The following LOC128125817 variants were observed in gnomAD, a reference collection of about 807,000 sequenced individuals.
the LOC128125817 span, among the ~76,000 whole-genome samples, chr1:41,594,285 T>C: frequency 1.3e-5 from 2 of 152,184 alleles, no homozygotes; most frequent in Non-Finnish European, 2.9e-5. Context: ...TGCAGTGACT[T>C]GATCTCAGCT....
the LOC128125817 span, among the ~76,000 whole-genome samples, chr1:41,616,509 C>T: frequency 1.3e-3 from 190 of 151,880 alleles, no homozygotes; most frequent in Non-Finnish European, 2.0e-3. Context: ...ATTTGAGACT[C>T]CAGCCTTCCT....
chr1:41,619,402 T>A, the LOC128125817 span, among the ~76,000 whole-genome samples: 1 of 152,238 alleles, frequency 6.6e-6, no homozygotes, highest in African/African-American at 2.4e-5. Context: ...TTATTTTACA[T>A]ACACTTATGT....
the LOC128125817 span, among the ~76,000 whole-genome samples, chr1:41,607,568 C>G: frequency 6.6e-6 from 1 of 152,100 alleles, no homozygotes; most frequent in Non-Finnish European, 1.5e-5. Flanking sequence ...TATATTCAAA[C>G]TGTTTCCTTT....
chr1:41,610,591 A>G, the LOC128125817 span, among the ~76,000 whole-genome samples: 1 of 152,194 alleles, frequency 6.6e-6, no homozygotes, highest in Non-Finnish European at 1.5e-5. Flanking sequence ...CTGCTCCTGA[A>G]TATCAGTCAC....
At chr1:41,628,035 G>A in the LOC128125817 span, among the ~76,000 whole-genome samples, 8 of 152,116 alleles carry the variant, frequency 5.3e-5, no homozygotes, top group Non-Finnish European at 7.4e-5. Flanking sequence ...CACCTAACCT[G>A]TACTGAAGCC....
the LOC128125817 span, among the ~76,000 whole-genome samples, chr1:41,617,240 A>G: frequency 8.3e-6 from 1 of 121,210 alleles, no homozygotes; most frequent in Admixed American, 7.7e-5. Context: ...ATATCTTTAC[A>G]GACTGATGCA....
At chr1:41,607,965 G>A in the LOC128125817 span, among the ~76,000 whole-genome samples, 2 of 152,208 alleles carry the variant, frequency 1.3e-5, no homozygotes, top group Non-Finnish European at 2.9e-5. Flanking sequence ...GCTGGGAGTT[G>A]CACTTGTCAT....
chr1:41,586,600 C>T, the LOC128125817 span, among the ~76,000 whole-genome samples: 15 of 152,158 alleles, frequency 9.9e-5, no homozygotes, highest in Non-Finnish European at 1.9e-4. Flanking sequence ...TCACACTCTT[C>T]GTTTCACTAG....
chr1:41,618,349 G>T, the LOC128125817 span, among the ~76,000 whole-genome samples: 3 of 152,330 alleles, frequency 2.0e-5, no homozygotes, highest in South Asian at 6.2e-4. Flanking sequence ...TCCTGCCTAA[G>T]CATGTCCATC....
the LOC128125817 span, among the ~76,000 whole-genome samples, chr1:41,605,366 C>T: frequency 0.01 from 1,180 of 114,520 alleles, 18 homozygotes; most frequent in African/African-American, 0.039. Context: ...CATACACACA[C>T]GCACACGCGC....
the LOC128125817 span, among the ~76,000 whole-genome samples, chr1:41,618,533 C>T: frequency 6.6e-6 from 1 of 152,192 alleles, no homozygotes; most frequent in Non-Finnish European, 1.5e-5. Context: ...CTGCCATCCT[C>T]GGGCACCACT....
the LOC128125817 span, among the ~76,000 whole-genome samples, chr1:41,618,869 A>G: frequency 3.9e-5 from 6 of 152,194 alleles, no homozygotes; most frequent in Admixed American, 1.3e-4. Context: ...CCCATCTGTC[A>G]GCAAATCATG....
chr1:41,610,532 G>T, the LOC128125817 span, among the ~76,000 whole-genome samples: 1 of 152,166 alleles, frequency 6.6e-6, no homozygotes, highest in Non-Finnish European at 1.5e-5. Context: ...AAAGGCATCT[G>T]GTAAGACAGG....
At chr1:41,618,716 G>C in the LOC128125817 span, among the ~76,000 whole-genome samples, 5 of 152,154 alleles carry the variant, frequency 3.3e-5, no homozygotes, top group Admixed American at 2.6e-4. Context: ...AAGACAAAAG[G>C]GACCTTGGAA....
chr1:41,594,394 C>T, the LOC128125817 span, among the ~76,000 whole-genome samples: 5 of 151,868 alleles, frequency 3.3e-5, 1 homozygote, highest in African/African-American at 1.2e-4. Flanking sequence ...AGATAATTTT[C>T]GTATTTTTAG....
chr1:41,613,333 C>T, the LOC128125817 span, among the ~76,000 whole-genome samples: 13 of 152,196 alleles, frequency 8.5e-5, no homozygotes, highest in South Asian at 2.1e-4. Flanking sequence ...CTTTGGAACG[C>T]GTGGGGCGGG....
the LOC128125817 span, among the ~76,000 whole-genome samples, chr1:41,620,148 T>A: frequency 6.6e-6 from 1 of 152,250 alleles, no homozygotes; most frequent in African/African-American, 2.4e-5. Context: ...CAGGGAGGCA[T>A]GCCAAACAGA....
the LOC128125817 span, among the ~76,000 whole-genome samples, chr1:41,593,980 G>A: frequency 1.4e-4 from 21 of 152,182 alleles, no homozygotes; most frequent in East Asian, 9.7e-4. Context: ...ACAGCCAGCC[G>A]CATCTTTCTC....
At chr1:41,626,978 C>T in the LOC128125817 span, among the ~76,000 whole-genome samples, 1 of 152,212 alleles carries the variant, frequency 6.6e-6, no homozygotes, top group African/African-American at 2.4e-5. Context: ...ATGTGCACAA[C>T]AGGGGCAACA....
Sources: gnomAD v4.1 joint callset for allele counts (sites outside exome capture counted in the v4.1 genomes callset) on GRCh38, gnomAD v4.1.1 for gene constraint, MANE v1.5 for transcripts.